CLVS1: variants seen among roughly 807,000 people sequenced by gnomAD.
CLVS1 encodes the protein clavesin-1.
In CLVS1, 10 loss-of-function variants were observed where a neutral mutation model predicts 33.1. The ratio of observed to expected loss-of-function variants is 0.30; its 90% CI spans 0.19 to 0.51. The LOEUF (loss-of-function observed/expected upper bound fraction) is 0.51. CLVS1 is among the 20% of genes least tolerant of loss of function. The pLI is 0.97. For missense variants in CLVS1, 343 were observed against 433.4 expected, an observed-to-expected ratio of 0.79 and a Z score of 1.85; for synonymous variants, 163 against 166.1, an observed-to-expected ratio of 0.98 and a Z score of 0.14.
chr8:61,276,927 C>T (rs954057569), intron 2 of CLVS1, among the ~76,000 whole-genome samples: 1 of 152,190 alleles, frequency 6.6e-6, no homozygotes, highest in Non-Finnish European at 1.5e-5. Flanking sequence ...ACAGTGGCTG[C>T]TATTGTTCTC....
At chr8:61,061,397 T>G (rs1377835020) in intron 1 of CLVS1, among the ~76,000 whole-genome samples, 1 of 152,164 alleles carries the variant, frequency 6.6e-6, no homozygotes, top group Non-Finnish European at 1.5e-5. Context: ...CACGTACCCA[T>G]ATGCCAGTCC....
At chr8:61,052,108 C>T in the CLVS1 span, among the ~76,000 whole-genome samples, 8 of 152,156 alleles carry the variant, frequency 5.3e-5, no homozygotes, top group African/African-American at 1.7e-4. Flanking sequence ...CACCGCACCC[C>T]GTGGGAGACA....
At chr8:61,399,070 A>G (rs752906402) in intron 3 of CLVS1, among the ~76,000 whole-genome samples, 4 of 152,204 alleles carry the variant, frequency 2.6e-5, no homozygotes, top group Non-Finnish European at 4.4e-5. Context: ...TATACCCAGT[A>G]AAAGAATTAC....
At chr8:61,437,116 A>C (rs969263374) in intron 3 of CLVS1, among the ~76,000 whole-genome samples, 2 of 152,168 alleles carry the variant, frequency 1.3e-5, no homozygotes, top group African/African-American at 4.8e-5. Context: ...CCTTTGTGGT[A>C]CTGCTCCTTT....
chr8:61,382,834 G>C (rs1280185496), intron 3 of CLVS1, among the ~76,000 whole-genome samples: 1 of 152,166 alleles, frequency 6.6e-6, no homozygotes, highest in Non-Finnish European at 1.5e-5. Context: ...TTCAGTCTTG[G>C]CTATGCCCCT....
chr8:61,087,015 C>A (rs1003831116), intron 1 of CLVS1, among the ~76,000 whole-genome samples: 1 of 152,188 alleles, frequency 6.6e-6, no homozygotes, highest in African/African-American at 2.4e-5. Flanking sequence ...ACAGGACAGA[C>A]CTGTCCAATG....
intron 5 of CLVS1, among the ~76,000 whole-genome samples, chr8:61,477,888 G>T (rs1343784194): frequency 6.6e-6 from 1 of 152,150 alleles, no homozygotes; most frequent in East Asian, 1.9e-4. Context: ...TAATTGTGAT[G>T]TTAGGGTGTC....
At chr8:61,230,842 T>A (rs1008276448) in intron 2 of CLVS1, among the ~76,000 whole-genome samples, 1 of 152,208 alleles carries the variant, frequency 6.6e-6, no homozygotes, top group African/African-American at 2.4e-5. Context: ...ACTGGCAGAC[T>A]TGGTGTCTGG....
chr8:61,482,235 C>T (rs1482982966), intron 5 of CLVS1, among the ~76,000 whole-genome samples: 1 of 152,164 alleles, frequency 6.6e-6, no homozygotes, highest in Non-Finnish European at 1.5e-5. Flanking sequence ...GGTAAAACCA[C>T]AAAGATAGGG....
At chr8:61,430,189 A>C (rs1446056258) in intron 3 of CLVS1, among the ~76,000 whole-genome samples, 2 of 152,220 alleles carry the variant, frequency 1.3e-5, no homozygotes, top group African/African-American at 4.8e-5. Flanking sequence ...AGACTGTTGC[A>C]AAGTCTATAT....
At chr8:61,433,516 T>G (rs1816192752) in intron 3 of CLVS1, among the ~76,000 whole-genome samples, 4 of 152,176 alleles carry the variant, frequency 2.6e-5, no homozygotes, top group Admixed American at 2.0e-4. Context: ...GTCCTGAGAT[T>G]CTATTTATTT....
chr8:61,072,536 TAAAAG>T (rs1446375478), intron 1 of CLVS1, among the ~76,000 whole-genome samples: 2 of 152,342 alleles, frequency 1.3e-5, no homozygotes, highest in East Asian at 3.9e-4. Context: ...AAACCTTACT[TAAAAG>T]AAAAGCAACG....
chr8:61,501,352 A>G lies in CLVS1; in HGVS notation c.*1810A>G, dbSNP rs1438938765. 1 of 152,182 alleles carries G rather than the reference A, an allele frequency of 6.6e-6. No individual in the cohort carries two copies. Among genetic ancestry groups the G allele is most frequent in the Admixed American group, 6.5e-5 (1 of 15,276 alleles). The allele number at this position is 152,182 out of a possible 1,614,324, so 9.4% of individuals were successfully genotyped here. ...CAGTAATACCATTTCTAGCTTTTCA[A>G]TTGGCAATACTTAGAACCTTACTGT... On this transcript the variant is annotated 3_prime_UTR_variant, in exon 6 of 6. Transcript: ENST00000325897.
chr8:61,285,193 T>C (rs180732363), upstream of CLVS1, among the ~76,000 whole-genome samples: 8 of 152,308 alleles, frequency 5.3e-5, no homozygotes, highest in Admixed American at 3.3e-4. Context: ...CAGGAATGTG[T>C]TTCAAAATAT....
the CLVS1 span, among the ~76,000 whole-genome samples, chr8:60,990,167 C>T: frequency 2.0e-3 from 272 of 136,050 alleles, 1 homozygote; most frequent in African/African-American, 7.1e-3. Context: ...GAGGAGGAAA[C>T]GATGGAATGA....
In CLVS1 at chr8:61,123,283, T is replaced by A. The variant is rs553067774; in HGVS notation, c.-242-8487T>A. 2.0e-4 allele frequency among the ~76,000 whole-genome samples: 21 copies of A among 103,442 alleles called. 1 individual carries two copies. Among genetic ancestry groups the A allele is most frequent in the African/African-American group, 6.8e-4 (21 of 30,712 alleles). The allele number at this position is 103,442 out of a possible 152,430, so 67.9% of individuals were successfully genotyped here. A position where few individuals can be genotyped will look rare whatever the true frequency, so the allele number is the denominator to read the frequency against. ...AAACTCTGTCTCAAAATAATAATAA[T>A]AATAATAATAATAAAAGTCTCATAG... is the stretch of plus-strand genomic sequence containing the variant. On this transcript the variant is annotated intron_variant, in intron 1 of 2. Transcript: ENST00000522621.
chr8:61,116,299 G>A (rs181029379), intron 1 of CLVS1, among the ~76,000 whole-genome samples: 13 of 152,110 alleles, frequency 8.5e-5, no homozygotes, highest in East Asian at 1.9e-4. Flanking sequence ...AGTAGGTTGC[G>A]AAAATTTTCT....
rs144193859 is a variant in CLVS1 at position 61,230,997 on chromosome 8, C to T, written c.-151-68680C>T. ...TCTGCCCTTATGACCTAATCACCTC[C>T]CAGAGCCCCACCTCCTAATACCATC... is the stretch of plus-strand genomic sequence containing the variant. On this transcript the variant is annotated intron_variant, in intron 2 of 2. Coordinates refer to the CLVS1 transcript ENST00000522621. Among the ~76,000 whole-genome samples the T allele has an allele frequency of 3.3e-3, 509 of 152,232 alleles. 4 individuals carry two copies. The highest frequency in any genetic ancestry group is 0.012 in the African/African-American group (480 of 41,524).
At chr8:60,974,263 C>T in the CLVS1 span, among the ~76,000 whole-genome samples, 2 of 152,192 alleles carry the variant, frequency 1.3e-5, no homozygotes, top group Admixed American at 1.3e-4. Context: ...ACGAGTCCCT[C>T]CCGGAGGCCA....
Sources: gnomAD v4.1 joint callset for allele counts (sites outside exome capture counted in the v4.1 genomes callset) on GRCh38, gnomAD v4.1.1 for gene constraint, MANE v1.5 for transcripts, NCBI Gene and HGNC (gene_info 2026-07-23, HGNC 2026-07-21) for gene names.